Variants in ARHGEF12 observed in about 807,000 individuals in gnomAD.
The protein encoded by ARHGEF12 is KMT2A/ARHGEF12 fusion protein.
A neutral mutation model predicts 211.2 loss-of-function variants in ARHGEF12; 66 were observed. The ratio of observed to expected loss-of-function variants is 0.31; its 90% CI spans 0.26 to 0.38. ARHGEF12 has a LOEUF of 0.38. Ranked by LOEUF, ARHGEF12 falls within the 10% of genes least tolerant of loss-of-function variation. The pLI is 1.00. For missense variants in ARHGEF12, 1,429 were observed against 1,869.5 expected (o/e 0.76, Z 4.34); for synonymous variants, 592 against 638.4 (o/e 0.93, Z 1.09).
At chr11:120,348,780 C>T (rs1942846124) in intron 1 of ARHGEF12, among the ~76,000 whole-genome samples, 1 of 151,914 alleles carries the variant, frequency 6.6e-6, no homozygotes, top group Non-Finnish European at 1.5e-5. Flanking sequence ...GGTGGAGGTT[C>T]AAGCGAGCCA....
chr11:120,377,376 T>TCCCA (rs1303901881), intron 1 of ARHGEF12, among the ~76,000 whole-genome samples: 2 of 152,138 alleles, frequency 1.3e-5, no homozygotes, highest in East Asian at 3.9e-4. Flanking sequence ...AGTCTCTGTT[T>TCCCA]CCCAGGCTGG....
At position 120,473,740 on chromosome 11, in the gene ARHGEF12, C is replaced by A. The variant is rs115034260; in HGVS notation, c.3033+613C>A. 8.6e-3 allele frequency among the ~76,000 whole-genome samples: 1,311 copies of A among 152,272 alleles called. 22 individuals carry two copies. Among genetic ancestry groups the A allele is most frequent in the African/African-American group, 0.03 (1,232 of 41,544 alleles). ...AAGGGTAGGACTGTTTGGTAACTTT[C>A]CAGATCATTTAATAACACAAGATAG... On this transcript the variant is annotated intron_variant, in intron 31 of 40. Coordinates refer to ENST00000397843, the MANE Select transcript of ARHGEF12 (RefSeq NM_015313.3).
At chr11:120,465,072 A>T in intron 27 of ARHGEF12, 165 bp from the exon 28 acceptor site, 2 of 837,720 alleles carry the variant, frequency 2.4e-6, no homozygotes, top group South Asian at 1.8e-5. Flanking sequence ...TTGTGTCAAG[A>T]TCAGACCTTT....
intron 1 of ARHGEF12, among the ~76,000 whole-genome samples, chr11:120,377,688 T>C (rs183168201): frequency 9.2e-5 from 14 of 152,272 alleles, no homozygotes; most frequent in Non-Finnish European, 1.9e-4. Flanking sequence ...AATTGTTTCA[T>C]ATAATGGTAG....
intron 1 of ARHGEF12, among the ~76,000 whole-genome samples, chr11:120,387,907 C>T (rs1565445468): frequency 6.6e-6 from 1 of 152,048 alleles, no homozygotes; most frequent in Non-Finnish European, 1.5e-5. Context: ...AAACATTAGG[C>T]TTCTTGAGAG....
At position 120,485,307 on chromosome 11, in the gene ARHGEF12, C is replaced by G; in HGVS notation, c.*230C>G. ...ATATCCATTCCCTCACTCTACTCTC[C>G]TCACTATCGGAAATTCATTTTGATT... On this transcript the variant is annotated 3_prime_UTR_variant, in exon 41 of 41. Transcript: ENST00000397843. 2.2e-6 allele frequency: 1 copy of G among 450,674 alleles called. No individual in the cohort carries two copies. Among genetic ancestry groups the G allele is most frequent in the Non-Finnish European group, 4.0e-6 (1 of 251,404 alleles). 27.9% of individuals were successfully genotyped at this position (450,674 alleles called of 1,614,324 possible).
rs1591620123 is a variant in ARHGEF12, at chr11:120,459,330, A to T, written c.2527+10A>T. ...ATTCTTCAACTTCATAGTAAGAGAA[A>T]TTAGCTCTGATCTTTGCCCCTAACA... is the stretch of plus-strand genomic sequence containing the variant. On this transcript the variant is annotated intron_variant, in intron 26 of 40. Coordinates refer to ENST00000397843, the MANE Select transcript of ARHGEF12 (RefSeq NM_015313.3). 1 of 1,609,610 alleles carries T rather than the reference A, an allele frequency of 6.2e-7. No individual in the cohort carries two copies. The highest frequency in any genetic ancestry group is 2.2e-5 in the East Asian group (1 of 44,612).
At chr11:120,482,002 G>A (rs539358691) in intron 39 of ARHGEF12, among the ~76,000 whole-genome samples, 5 of 152,188 alleles carry the variant, frequency 3.3e-5, no homozygotes, top group East Asian at 3.9e-4. Context: ...CTCGTGATCC[G>A]CCTGCCTCGG....
In ARHGEF12 at chr11:120,388,854, A is replaced by AT. The variant is rs1046496161; in HGVS notation, c.33-17254dup. On this transcript the variant is annotated intron_variant, in intron 1 of 40. Transcript: ENST00000397843. The stretch of plus-strand genomic sequence containing the variant: ...ATATGTTTGGGATATAAGTGCTTTT[A>AT]TTTTTTTTTTATTTTATTTTATTTT... 6.3e-4 allele frequency among the ~76,000 whole-genome samples: 93 copies of AT among 148,758 alleles called. 2 individuals are homozygous for AT. The highest frequency in any genetic ancestry group is 3.4e-3 in the Middle Eastern group (1 of 290).
chr11:120,385,134 T>C (rs1357436930), intron 1 of ARHGEF12, among the ~76,000 whole-genome samples: 6 of 152,136 alleles, frequency 3.9e-5, no homozygotes, highest in Admixed American at 3.9e-4. Context: ...TAGAGAATTA[T>C]CAGCCAAATC....
At chr11:120,461,644 T>C (rs1056928987) in intron 27 of ARHGEF12, among the ~76,000 whole-genome samples, 1 of 152,260 alleles carries the variant, frequency 6.6e-6, no homozygotes, top group Admixed American at 6.5e-5. Context: ...ATGAAAGTTC[T>C]AGATGGCATC....
chr11:120,431,712 GTAA>G (rs982563777), intron 10 of ARHGEF12, 56 bp from the exon 11 acceptor site: 1 of 1,474,690 alleles, frequency 6.8e-7, no homozygotes, highest in Non-Finnish European at 9.0e-7. Flanking sequence ...TATGCAGCAA[GTAA>G]TGAAAGTTTT....
In ARHGEF12 at chr11:120,416,714, G is replaced by T. The variant is rs976440047; in HGVS notation, c.200-4039G>T. Among the ~76,000 whole-genome samples the T allele has an allele frequency of 7.9e-5, 12 of 151,930 alleles. No homozygotes were observed. In the Middle Eastern group the frequency reaches 0.014, roughly 172 times the overall value. ...TTGCCAGGCTGGAGTGCAGTGGCGC[G>T]ATCTCGGCTCACTGCATCCTCTGCC... On this transcript the variant is annotated intron_variant, in intron 4 of 40. Transcript: ENST00000397843.
rs577733342 is a variant in ARHGEF12, at chr11:120,449,197, G to A, written c.1826G>A (p.Arg609His). Residue 609 changes from arginine to histidine, a missense_variant, in exon 21 of 41, where the codon CGT becomes CAT. Physicochemically the swap from Arg to His is conservative, Grantham distance 29. Transcript: ENST00000397843. ...CTGGGACCCCCACGGAGACCAAGCC[G>A]TCATGACAACAGTGCAAGTATGTTG... ...SILGPPRRPS[R>H]HDNSAIGRAM... 15 of 1,614,050 alleles carry A rather than the reference G, an allele frequency of 9.3e-6. No homozygotes were observed. Among genetic ancestry groups the A allele is most frequent in the Middle Eastern group, 1.6e-4 (1 of 6,062 alleles).
intron 4 of ARHGEF12, chr11:120,410,057 G>T (rs576067979): frequency 1.3e-5 from 2 of 152,014 alleles, no homozygotes; most frequent in Non-Finnish European, 2.9e-5. Context: ...AAGCTTAATC[G>T]GAATGGGAAA....
chr11:120,365,794 C>A (rs1943406125), intron 1 of ARHGEF12: 1 of 152,094 alleles, frequency 6.6e-6, no homozygotes, highest in South Asian at 2.1e-4. Flanking sequence ...AAGCAATAAG[C>A]TTGGTTGAAA....
At position 120,451,495 on chromosome 11, in the gene ARHGEF12, C is replaced by T. The variant is rs758912782; in HGVS notation, c.1844-17C>T. 1 of 1,612,942 alleles carries T rather than the reference C, an allele frequency of 6.2e-7. No individual in the cohort carries two copies. The highest frequency in any genetic ancestry group is 8.5e-7 in the Non-Finnish European group (1 of 1,179,602). ...CCCAGCCGCAATACAGATTATTAAC[C>T]ATCATTTTCTGATCAGTTGGCAGAG... On this transcript the variant is annotated splice_polypyrimidine_tract_variant and intron_variant, in intron 21 of 40. Coordinates refer to ENST00000397843, the MANE Select transcript of ARHGEF12 (RefSeq NM_015313.3).
chr11:120,371,346 G>A (rs1943584284), intron 1 of ARHGEF12, among the ~76,000 whole-genome samples: 1 of 152,176 alleles, frequency 6.6e-6, no homozygotes, highest in African/African-American at 2.4e-5. Context: ...GAATTAGCTG[G>A]GTGTGCTGGC....
chr11:120,340,636 T>C (rs1942505329), intron 1 of ARHGEF12, among the ~76,000 whole-genome samples: 2 of 152,234 alleles, frequency 1.3e-5, no homozygotes, highest in South Asian at 4.1e-4. Context: ...CATGTTTATA[T>C]GTTATTTTCA....
Sources: allele counts gnomAD v4.1 joint callset (sites outside exome capture counted in the v4.1 genomes callset), GRCh38; gene constraint gnomAD v4.1.1; transcripts MANE v1.5; gene names NCBI Gene and HGNC (gene_info 2026-07-23, HGNC 2026-07-21).